SENP1: variants seen among roughly 807,000 people sequenced by gnomAD.
The protein encoded by SENP1 is SUMO specific peptidase 1.
Under a neutral mutation model 93.0 loss-of-function variants are expected in SENP1, and 21 were observed. The ratio of observed to expected loss-of-function variants is 0.23; its 90% CI spans 0.16 to 0.33. The LOEUF (loss-of-function observed/expected upper bound fraction) is 0.33. Among genes scored for constraint, SENP1 ranks in the 10% least tolerant of loss-of-function variants. The probability of loss-of-function intolerance (pLI) is 1.00; values close to 1 mark genes in which losing one functional copy is unlikely to be tolerated. For missense variants in SENP1, 591 were observed against 758.7 expected (o/e 0.78, Z 2.60); for synonymous variants, 256 against 259.6 (o/e 0.99, Z 0.13).
intron 13 of SENP1, among the ~76,000 whole-genome samples, chr12:48,060,569 T>C (rs1351481855): frequency 6.6e-6 from 1 of 152,208 alleles, no homozygotes; most frequent in Non-Finnish European, 1.5e-5. Context: ...TAATTTTTCC[T>C]CTCTCCCTTT....
rs1942623621 is a variant in SENP1, at chr12:48,057,422, G to A, written c.1407+6288C>T. Reference sequence around the variant, plus strand: ...TTTTTGTATTTTTAGTAGAGACAGGGTTTCAGCATGTTGGTCAGGCCGGTC... The same window carrying A: ...TTTTTGTATTTTTAGTAGAGACAGGATTTCAGCATGTTGGTCAGGCCGGTC... On this transcript the variant is annotated intron_variant, in intron 13 of 17. Transcript: ENST00000549518. 2.0e-5 allele frequency among the ~76,000 whole-genome samples: 3 copies of A among 147,980 alleles called. No individual in the cohort carries two copies. In the South Asian group the frequency reaches 6.3e-4, roughly 31 times the overall value.
intron 3 of SENP1, 77 bp from the exon 4 acceptor site, chr12:48,096,504 G>A (rs938202319): frequency 7.3e-6 from 6 of 825,366 alleles, no homozygotes; most frequent in African/African-American, 1.7e-5. Context: ...TGCCCAGGCT[G>A]GAGTACACCG....
intron 15 of SENP1, 106 bp from the exon 16 acceptor site, chr12:48,047,168 C>T (rs1020526746): frequency 1.3e-4 from 88 of 691,446 alleles, no homozygotes; most frequent in Non-Finnish European, 2.1e-4. Flanking sequence ...GTTTCATCTG[C>T]TCTTCTGAGG....
intron 10 of SENP1, 22 bp from the exon 11 acceptor site, chr12:48,065,702 G>A (rs1355995648): frequency 6.8e-7 from 1 of 1,473,694 alleles, no homozygotes; most frequent in Non-Finnish European, 9.3e-7. Flanking sequence ...AAAGGAACGT[G>A]ACCAAATGTA....
intron 3 of SENP1, 78 bp from the exon 4 acceptor site, chr12:48,096,505 G>A: frequency 1.2e-6 from 1 of 826,308 alleles, no homozygotes; most frequent in Non-Finnish European, 2.0e-6. Flanking sequence ...GCCCAGGCTG[G>A]AGTACACCGG....
intron 5 of SENP1, among the ~76,000 whole-genome samples, chr12:48,085,715 CAAAAA>C (rs200416260): frequency 2.9e-3 from 340 of 116,280 alleles, no homozygotes; most frequent in Middle Eastern, 9.6e-3. Context: ...TTGCTTCTCT[CAAAAA>C]AAAAAAAAAA....
chr12:48,070,741 AATGAT>A (rs1943631953), intron 9 of SENP1, among the ~76,000 whole-genome samples: 9 of 152,194 alleles, frequency 5.9e-5, no homozygotes, highest in Admixed American at 5.9e-4. Context: ...CCCTTTAATG[AATGAT>A]CAGACATGAA....
intron 13 of SENP1, chr12:48,055,658 G>A (rs981516255): frequency 2.6e-4 from 40 of 151,566 alleles, no homozygotes; most frequent in African/African-American, 9.7e-4. Context: ...TAATCCAACC[G>A]GAGATGTGCT....
intron 9 of SENP1, 64 bp downstream of exon 9, chr12:48,071,603 G>A (rs1268910451): frequency 5.0e-6 from 6 of 1,194,422 alleles, no homozygotes; most frequent in South Asian, 2.7e-5. Flanking sequence ...GCAACAGAGC[G>A]AGACTCCGTC....
In SENP1 at chr12:48,063,736, T is replaced by G; in HGVS notation, c.1381A>C (p.Asn461His). ...TITRKDIQTL[N>H]HLNWLNDEII... ...TCATCATTGAGCCAATTCAGATGGT[T>G]TAGAGTTTGAATATCTTTGCGTGTA... The change falls in exon 13 of 18, where the codon AAC (asparagine) becomes CAC (histidine). Residue 461 changes from asparagine (N) to histidine (H), a missense_variant. Coordinates refer to ENST00000549518, the MANE Select transcript of SENP1 (RefSeq NM_001267594.2). 2 of 1,613,328 alleles carry G rather than the reference T, an allele frequency of 1.2e-6. No homozygotes were observed. Among genetic ancestry groups the G allele is most frequent in the South Asian group, 2.2e-5 (2 of 91,024 alleles).
intron 13 of SENP1, among the ~76,000 whole-genome samples, chr12:48,056,024 A>G (rs1942254038): frequency 7.8e-6 from 1 of 128,048 alleles, no homozygotes; most frequent in African/African-American, 3.1e-5. Flanking sequence ...ATATAACTTA[A>G]TATACTTAAT....
chr12:48,058,542 C>T (rs562724164), intron 13 of SENP1, among the ~76,000 whole-genome samples: 9 of 151,176 alleles, frequency 6.0e-5, no homozygotes, highest in Admixed American at 1.3e-4. Flanking sequence ...ATGGCTTTAA[C>T]GTACAGTCTT....
intron 15 of SENP1, among the ~76,000 whole-genome samples, chr12:48,047,431 T>C (rs1272888012): frequency 6.6e-6 from 1 of 152,214 alleles, no homozygotes; most frequent in South Asian, 2.1e-4. Flanking sequence ...TCTGGTACTA[T>C]TGAGGTATTT....
chr12:48,049,243 T>G (rs909352755), intron 13 of SENP1, 111 bp from the exon 14 acceptor site: 3 of 782,474 alleles, frequency 3.8e-6, no homozygotes, highest in Middle Eastern at 2.5e-4. Flanking sequence ...TAAACTGAAT[T>G]AAGTCTTCAA....
rs1200560273 is a variant in SENP1, at chr12:48,056,914, ATAT to A, written c.1407+6793_1407+6795del. Among the ~76,000 whole-genome samples, 9 of 47,918 alleles carry A rather than the reference ATAT, an allele frequency of 1.9e-4. 1 individual carries two copies. Among genetic ancestry groups the A allele is most frequent in the African/African-American group, 1.5e-3 (9 of 5,928 alleles). The allele number at this position is 47,918 out of a possible 152,430, so 31.4% of individuals were successfully genotyped here. ...TTATTTAATATATTACATATTACAT[ATAT>A]AATATATTATTTAATATATTACATA... On this transcript the variant is annotated intron_variant, in intron 13 of 17. Coordinates refer to ENST00000549518, the MANE Select transcript of SENP1 (RefSeq NM_001267594.2).
intron 5 of SENP1, among the ~76,000 whole-genome samples, chr12:48,087,964 C>A (rs1310969510): frequency 6.6e-6 from 1 of 152,056 alleles, no homozygotes; most frequent in East Asian, 1.9e-4. Flanking sequence ...AGTTTCTAAG[C>A]CAGATTTCAT....
intron 13 of SENP1, among the ~76,000 whole-genome samples, chr12:48,051,944 GACCCAC>G (rs1434753503): frequency 6.6e-6 from 1 of 152,170 alleles, no homozygotes; most frequent in Non-Finnish European, 1.5e-5. Context: ...CCTTTTCTGG[GACCCAC>G]ACTTGCCTCT....
At chr12:48,072,592 T>C (rs1943782509) in intron 8 of SENP1, among the ~76,000 whole-genome samples, 1 of 152,122 alleles carries the variant, frequency 6.6e-6, no homozygotes, top group Non-Finnish European at 1.5e-5. Context: ...TACTCCAGCC[T>C]GAGCAACAGA....
intron 5 of SENP1, chr12:48,085,390 G>C: frequency 1.6e-6 from 2 of 1,285,368 alleles, no homozygotes; most frequent in Non-Finnish European, 2.2e-6. Flanking sequence ...CGGAGGGCCA[G>C]GGGCATGTTC....
Sources: allele counts gnomAD v4.1 joint callset (sites outside exome capture counted in the v4.1 genomes callset), GRCh38; gene constraint gnomAD v4.1.1; transcripts MANE v1.5; gene names NCBI Gene and HGNC (gene_info 2026-07-23, HGNC 2026-07-21).